Variants in H4C16 observed in about 807,000 individuals in gnomAD.
H4C16 encodes the protein histone H4.
chr12:14,770,780 C>A, the H4C16 span: 2 of 1,610,396 alleles, frequency 1.2e-6, no homozygotes, highest in Non-Finnish European at 1.7e-6. Context: ...AGCTCAACCG[C>A]CGAAACCATA....
chr12:14,770,782 GA>G, the H4C16 span: 1 of 1,611,078 alleles, frequency 6.2e-7, no homozygotes, highest in Non-Finnish European at 8.5e-7. Flanking sequence ...CTCAACCGCC[GA>G]AACCATAAAG....
chr12:14,771,119 G>A, the H4C16 span: 6 of 1,552,604 alleles, frequency 3.9e-6, no homozygotes, highest in Admixed American at 1.9e-5. Context: ...CAGAAAATCG[G>A]GCTGCCCACT....
the H4C16 span, chr12:14,770,883 G>T: frequency 6.2e-7 from 1 of 1,614,166 alleles, no homozygotes; most frequent in East Asian, 2.2e-5. Context: ...ACCGCGTCAC[G>T]GATCACGTTC....
At chr12:14,770,843 G>GT in the H4C16 span, 1 of 1,614,194 alleles carries the variant, frequency 6.2e-7, no homozygotes, top group South Asian at 1.1e-5. Context: ...GGCCGTGACG[G>GT]TCTTGCGCTT....
At chr12:14,770,956 G>GC in the H4C16 span, 1 of 1,614,210 alleles carries the variant, frequency 6.2e-7, no homozygotes, top group Non-Finnish European at 8.5e-7. Context: ...TGCGCTTGAC[G>GC]CCCCCACGTC....
At chr12:14,770,979 G>A in the H4C16 span, 21 of 1,614,210 alleles carry the variant, frequency 1.3e-5, no homozygotes, top group African/African-American at 1.3e-4. Flanking sequence ...GCGAGACGGC[G>A]AATCGCCGGC....
the H4C16 span, chr12:14,771,070 A>G: frequency 8.6e-5 from 138 of 1,599,692 alleles, no homozygotes; most frequent in Non-Finnish European, 1.1e-4. Flanking sequence ...TGCCACCTTT[A>G]CCTCGCCCAG....
the H4C16 span, chr12:14,771,036 T>TA: frequency 6.2e-7 from 1 of 1,613,096 alleles, no homozygotes; most frequent in Admixed American, 1.7e-5. Context: ...CGGTGGCGCT[T>TA]GGCGCCTCCC....
chr12:14,771,101 C>T, the H4C16 span: 2 of 1,570,682 alleles, frequency 1.3e-6, no homozygotes, highest in Non-Finnish European at 8.7e-7. Context: ...ATCACAGCGC[C>T]TACTCAGCAG....
chr12:14,770,836 C>A, the H4C16 span: 11 of 1,614,076 alleles, frequency 6.8e-6, no homozygotes, highest in Middle Eastern at 1.6e-4. Flanking sequence ...CATCCATGGC[C>A]GTGACGGTCT....
chr12:14,771,084 T>G, the H4C16 span: 14 of 1,586,576 alleles, frequency 8.8e-6, no homozygotes, highest in African/African-American at 2.7e-5. Context: ...CGCCCAGACA[T>G]TCTGAAATCA....
the H4C16 span, chr12:14,770,817 C>T: frequency 6.8e-6 from 11 of 1,614,012 alleles, no homozygotes; most frequent in Non-Finnish European, 9.3e-6. Context: ...CGTTTCAGCG[C>T]GTACACCACA....
chr12:14,770,814 G>C, the H4C16 span: 2 of 1,614,126 alleles, frequency 1.2e-6, no homozygotes, highest in Non-Finnish European at 1.7e-6. Flanking sequence ...TGGCGTTTCA[G>C]CGCGTACACC....
the H4C16 span, chr12:14,770,902 G>A: frequency 6.8e-5 from 110 of 1,614,218 alleles, no homozygotes; most frequent in African/African-American, 8.5e-4. Flanking sequence ...TCTCCAGGAA[G>A]ACTTTGAGGA....
the H4C16 span, chr12:14,771,061 G>A: frequency 6.2e-6 from 10 of 1,606,244 alleles, no homozygotes; most frequent in Non-Finnish European, 8.5e-6. Flanking sequence ...CCAGCCCCTT[G>A]CCACCTTTAC....
chr12:14,770,825 A>G, the H4C16 span: 1 of 1,614,136 alleles, frequency 6.2e-7, no homozygotes, highest in Non-Finnish European at 8.5e-7. Context: ...CGCGTACACC[A>G]CATCCATGGC....
the H4C16 span, chr12:14,771,106 C>A: frequency 1.3e-6 from 2 of 1,566,712 alleles, no homozygotes; most frequent in East Asian, 2.3e-5. Context: ...AGCGCCTACT[C>A]AGCAGAAAAT....
the H4C16 span, chr12:14,770,742 T>C: frequency 1.9e-6 from 3 of 1,564,564 alleles, no homozygotes; most frequent in South Asian, 3.6e-5. Flanking sequence ...AAAGGGCCTT[T>C]TGGAGTCTGT....
the H4C16 span, chr12:14,771,021 C>G: frequency 6.2e-7 from 1 of 1,613,866 alleles, no homozygotes; most frequent in Middle Eastern, 1.7e-4. Flanking sequence ...TCCCGCAGCA[C>G]CTTCCGGTGG....
Sources: allele counts gnomAD v4.1 joint callset, GRCh38; gene constraint gnomAD v4.1.1; transcripts MANE v1.5; gene names NCBI Gene and HGNC (gene_info 2026-07-23, HGNC 2026-07-21).